MBNL1: variants seen among roughly 807,000 people sequenced by gnomAD.
MBNL1 encodes muscleblind-like protein 1.
MBNL1 carries 8 observed loss-of-function variants against 42.2 expected under a neutral mutation model. The ratio of observed to expected loss-of-function variants is 0.19; its 90% confidence interval spans 0.11 to 0.34. MBNL1 has a LOEUF of 0.34. Among genes scored for constraint, MBNL1 ranks in the 10% least tolerant of loss-of-function variants. The pLI is 1.00. For missense variants in MBNL1, 309 were observed against 495.3 expected, an observed-to-expected ratio of 0.62 and a Z score of 3.57; for synonymous variants, 169 against 173.9, an observed-to-expected ratio of 0.97 and a Z score of 0.22.
chr3:152,247,420 A>G (rs1444614510), intron 2 of MBNL1, among the ~76,000 whole-genome samples: 1 of 152,036 alleles, frequency 6.6e-6, no homozygotes, highest in Admixed American at 6.6e-5. Context: ...GCTCTGTATG[A>G]TAAAATATGT....
intron 2 of MBNL1, among the ~76,000 whole-genome samples, chr3:152,261,217 G>A (rs1002057375): frequency 6.6e-6 from 1 of 152,024 alleles, no homozygotes; most frequent in African/African-American, 2.4e-5. Flanking sequence ...AGTTGCAGCC[G>A]GCCTATCCAA....
At chr3:152,271,825 C>T (rs1389880921) in intron 1 of MBNL1, among the ~76,000 whole-genome samples, 1 of 151,892 alleles carries the variant, frequency 6.6e-6, no homozygotes, top group East Asian at 1.9e-4. Context: ...AATGTGCTGT[C>T]CAGTACAGTA....
chr3:152,318,731 GA>G (rs1300405766), intron 2 of MBNL1, among the ~76,000 whole-genome samples: 1 of 152,022 alleles, frequency 6.6e-6, no homozygotes, highest in African/African-American at 2.4e-5. Context: ...ATAGATCTTT[GA>G]AAAGACAGGC....
At chr3:152,434,640 G>A (rs1357650205) in intron 4 of MBNL1, among the ~76,000 whole-genome samples, 2 of 152,134 alleles carry the variant, frequency 1.3e-5, no homozygotes, top group African/African-American at 4.8e-5. Flanking sequence ...GTTCCACAAT[G>A]GTTGAATTAA....
chr3:152,245,535 G>T (rs943291816), intron 2 of MBNL1, among the ~76,000 whole-genome samples: 1 of 152,124 alleles, frequency 6.6e-6, no homozygotes, highest in Non-Finnish European at 1.5e-5. Context: ...TGTATTTGAA[G>T]CTTTCTTAAT....
intron 6 of MBNL1, among the ~76,000 whole-genome samples, chr3:152,450,132 C>G (rs1019912060): frequency 7.0e-6 from 1 of 143,092 alleles, no homozygotes; most frequent in Non-Finnish European, 1.5e-5. Context: ...CACAAAACAA[C>G]AACAACAAAT....
chr3:152,423,026 C>G (rs775193346), intron 3 of MBNL1, among the ~76,000 whole-genome samples: 1 of 152,086 alleles, frequency 6.6e-6, no homozygotes, highest in African/African-American at 2.4e-5. Flanking sequence ...CTGAACATCA[C>G]GATTAAAATA....
At chr3:152,394,978 C>T (rs951411604) in intron 2 of MBNL1, among the ~76,000 whole-genome samples, 3 of 152,150 alleles carry the variant, frequency 2.0e-5, no homozygotes, top group Non-Finnish European at 4.4e-5. Flanking sequence ...GCTGCCTCAG[C>T]CTCCCGAGTA....
At chr3:152,270,104 G>A (rs1281085498) in intron 1 of MBNL1, among the ~76,000 whole-genome samples, 3 of 152,038 alleles carry the variant, frequency 2.0e-5, no homozygotes, top group African/African-American at 7.3e-5. Context: ...AAGGCTCTCT[G>A]GGGCCGGGAG....
intron 2 of MBNL1, among the ~76,000 whole-genome samples, chr3:152,313,801 A>G (rs2068605303): frequency 6.6e-6 from 1 of 152,244 alleles, no homozygotes; most frequent in African/African-American, 2.4e-5. Flanking sequence ...TGTTATCAAG[A>G]GAAAATAACC....
chr3:152,340,635 A>G (rs2092920036), intron 2 of MBNL1: 1 of 1,614,024 alleles, frequency 6.2e-7, no homozygotes, highest in Non-Finnish European at 8.5e-7. Flanking sequence ...AACTAAACCC[A>G]CAAGCGTAAA....
chr3:152,457,976 T>C (rs1354095296), intron 8 of MBNL1: 1 of 600,582 alleles, frequency 1.7e-6, no homozygotes. Flanking sequence ...ATATATTATA[T>C]CTACATATAC....
chr3:152,310,409 C>T (rs540774198), intron 2 of MBNL1, among the ~76,000 whole-genome samples: 37 of 152,172 alleles, frequency 2.4e-4, no homozygotes, highest in Non-Finnish European at 4.7e-4. Context: ...GAAAGTCTGT[C>T]TTCAGAGCCT....
chr3:152,313,717 G>A (rs2068544035), intron 2 of MBNL1, among the ~76,000 whole-genome samples: 1 of 152,134 alleles, frequency 6.6e-6, no homozygotes, highest in Non-Finnish European at 1.5e-5. Flanking sequence ...AGGTCTCTGT[G>A]TTGTTTGAAA....
At chr3:152,425,031 A>G (rs2098894245) in intron 3 of MBNL1, among the ~76,000 whole-genome samples, 1 of 152,228 alleles carries the variant, frequency 6.6e-6, no homozygotes, top group African/African-American at 2.4e-5. Context: ...ACCAAAAGCA[A>G]TGGCAACAAA....
At chr3:152,356,070 G>A (rs1019039936) in intron 2 of MBNL1, among the ~76,000 whole-genome samples, 11 of 152,058 alleles carry the variant, frequency 7.2e-5, no homozygotes, top group Admixed American at 7.2e-4. Flanking sequence ...ATGGGAAGAA[G>A]CAAGAATTCC....
chr3:152,315,125 C>T (rs762849117), intron 2 of MBNL1, among the ~76,000 whole-genome samples: 3 of 152,196 alleles, frequency 2.0e-5, no homozygotes, highest in Non-Finnish European at 4.4e-5. Context: ...AGGCTTTTAA[C>T]ATGTTGTGAA....
At chr3:152,285,074 G>A (rs892948344) in intron 1 of MBNL1, among the ~76,000 whole-genome samples, 2 of 152,072 alleles carry the variant, frequency 1.3e-5, no homozygotes, top group African/African-American at 2.4e-5. Flanking sequence ...AATAGCATCC[G>A]TTCTCAGCTC....
chr3:152,368,498 C>CT (rs1161434731), intron 2 of MBNL1, among the ~76,000 whole-genome samples: 1 of 152,032 alleles, frequency 6.6e-6, no homozygotes, highest in Non-Finnish European at 1.5e-5. Flanking sequence ...TATACAGGCT[C>CT]TTTTTTGGAT....
Sources: gnomAD v4.1 joint callset for allele counts (sites outside exome capture counted in the v4.1 genomes callset) on GRCh38, gnomAD v4.1.1 for gene constraint, MANE v1.5 for transcripts, NCBI Gene and HGNC (gene_info 2026-07-23, HGNC 2026-07-21) for gene names.